Variants in SBF2 observed in about 807,000 individuals in gnomAD.
SBF2 encodes SET binding factor 2.
In SBF2, 112 loss-of-function variants were observed where a neutral mutation model predicts 225.2. The observed-to-expected ratio is 0.50, with a 90% CI of 0.43 to 0.58. The LOEUF is 0.58. Among genes scored for constraint, SBF2 ranks in the 20% least tolerant of loss-of-function variants. The pLI is 0.00. For synonymous variants in SBF2, 763 were observed against 773.3 expected (o/e 0.99, Z 0.22); for missense variants, 1,996 against 2,206.2 (o/e 0.90, Z 1.91).
chr11:10,107,060 G>C, intron 2 of SBF2, among the ~76,000 whole-genome samples: 1 of 152,276 alleles, frequency 6.6e-6, no homozygotes, highest in Middle Eastern at 3.4e-3. Context: ...TCTACTTGAA[G>C]AAATGGTGTA....
At chr11:9,826,120 T>A (rs1855046355) in intron 28 of SBF2, among the ~76,000 whole-genome samples, 1 of 152,198 alleles carries the variant, frequency 6.6e-6, no homozygotes, top group Admixed American at 6.5e-5. Context: ...AAACATGAAA[T>A]TTCCTAGTTG....
At chr11:10,031,809 C>A (rs1239612766) in intron 3 of SBF2, among the ~76,000 whole-genome samples, 2 of 152,214 alleles carry the variant, frequency 1.3e-5, no homozygotes, top group Non-Finnish European at 2.9e-5. Flanking sequence ...GTGGCACAAT[C>A]ACAGTGCACT....
intron 1 of SBF2, among the ~76,000 whole-genome samples, chr11:10,200,089 G>A (rs992536699): frequency 2.9e-4 from 44 of 152,108 alleles, no homozygotes; most frequent in Admixed American, 1.1e-3. Context: ...CGTTTTGATT[G>A]TGACCTATCA....
At chr11:10,186,044 G>A (rs1387252796) in intron 2 of SBF2, among the ~76,000 whole-genome samples, 8 of 152,158 alleles carry the variant, frequency 5.3e-5, no homozygotes, top group Non-Finnish European at 1.2e-4. Context: ...AGGCATGAAC[G>A]AGCTGTGATT....
At chr11:9,867,811 G>A (rs1858358666) in intron 17 of SBF2, among the ~76,000 whole-genome samples, 1 of 152,124 alleles carries the variant, frequency 6.6e-6, no homozygotes, top group Admixed American at 6.6e-5. Flanking sequence ...AGCAAAAAAA[G>A]TTCATCTAAT....
chr11:10,159,841 G>C (rs1454456749), intron 2 of SBF2, among the ~76,000 whole-genome samples: 6 of 151,730 alleles, frequency 4.0e-5, no homozygotes, highest in African/African-American at 1.5e-4. Context: ...AGTGAGCTGA[G>C]ATCACGCCAC....
At chr11:10,253,548 A>G (rs1960576504) in intron 1 of SBF2, among the ~76,000 whole-genome samples, 1 of 152,168 alleles carries the variant, frequency 6.6e-6, no homozygotes. Flanking sequence ...GAATCTCTAA[A>G]TCACAGACTC....
chr11:9,780,922 C>A, intron 39 of SBF2: 1 of 303,026 alleles, frequency 3.3e-6, no homozygotes, highest in Non-Finnish European at 6.4e-6. Context: ...CCTTCGTGTC[C>A]CCTTTCTTTA....
intron 2 of SBF2, among the ~76,000 whole-genome samples, chr11:10,145,216 A>G (rs1023684441): frequency 1.3e-5 from 2 of 152,178 alleles, no homozygotes; most frequent in Non-Finnish European, 2.9e-5. Context: ...CACCTGGGCT[A>G]GGAGATTCAA....
intron 2 of SBF2, among the ~76,000 whole-genome samples, chr11:10,111,635 G>A (rs1168807994): frequency 6.6e-6 from 1 of 152,218 alleles, no homozygotes; most frequent in African/African-American, 2.4e-5. Flanking sequence ...CAGCACTTTG[G>A]GAGACGGAGG....
chr11:10,228,642 A>G (rs1288502318), intron 1 of SBF2, among the ~76,000 whole-genome samples: 1 of 152,178 alleles, frequency 6.6e-6, no homozygotes, highest in Non-Finnish European at 1.5e-5. Flanking sequence ...TGGCATGTTG[A>G]ACCAGCCTTG....
intron 2 of SBF2, among the ~76,000 whole-genome samples, chr11:10,111,858 C>CA (rs1952873076): frequency 6.6e-6 from 1 of 152,194 alleles, no homozygotes; most frequent in South Asian, 2.1e-4. Context: ...GCCTGGGTGA[C>CA]ACAGTGAGAC....
chr11:9,828,293 T>A (rs533298926), intron 28 of SBF2: 9 of 1,261,448 alleles, frequency 7.1e-6, no homozygotes, highest in Admixed American at 5.1e-5. Context: ...CAAAAAGTTA[T>A]CTTCAGGTGT....
At chr11:10,175,487 T>C (rs866902302) in intron 2 of SBF2, among the ~76,000 whole-genome samples, 16 of 151,386 alleles carry the variant, frequency 1.1e-4, no homozygotes, top group African/African-American at 3.9e-4. Flanking sequence ...ATGCACCCAA[T>C]ACAGGAGCAC....
intron 1 of SBF2, among the ~76,000 whole-genome samples, chr11:10,208,322 G>A (rs939525545): frequency 3.3e-5 from 5 of 152,120 alleles, no homozygotes; most frequent in Non-Finnish European, 5.9e-5. Context: ...ATGTTGTTAG[G>A]AAAACTATAC....
chr11:10,211,178 T>G (rs1373998509), intron 1 of SBF2, among the ~76,000 whole-genome samples: 2 of 152,096 alleles, frequency 1.3e-5, no homozygotes, highest in Non-Finnish European at 2.9e-5. Context: ...TTGTTCTCTA[T>G]CACATCTAAC....
chr11:9,839,595 G>C lies in SBF2; in HGVS notation c.3358C>G (p.Arg1120Gly). 1 of 1,614,064 alleles carries C rather than the reference G, an allele frequency of 6.2e-7. No individual in the cohort carries two copies. Among genetic ancestry groups the C allele is most frequent in the Non-Finnish European group, 8.5e-7 (1 of 1,179,978 alleles). ...CCACTTATGGTTCCTAAACCTAAAC[G>C]CTGATAGTCTCTGAAACAAGCTTTT... Reference protein sequence around the residue: ...VEKACFRDYQRLGLGTISGSS... With the variant: ...VEKACFRDYQGLGLGTISGSS... Residue 1120 changes from arginine to glycine, a missense_variant, in exon 26 of 40, where the codon CGT (arginine) becomes GGT (glycine). Physicochemically the swap from Arg to Gly is moderately radical, Grantham distance 125. Transcript: ENST00000256190.
intron 3 of SBF2, among the ~76,000 whole-genome samples, chr11:10,032,057 T>C (rs61877048): frequency 0.2 from 30,646 of 152,128 alleles, 3,975 homozygotes; most frequent in Non-Finnish European, 0.3. Flanking sequence ...CATTTTTACA[T>C]ACAAAACTGA....
chr11:9,780,464 G>A lies in SBF2; in HGVS notation c.5504C>T (p.Ala1835Val). Residue 1835 changes from alanine to valine, a missense_variant, in exon 40 of 40, where the codon GCC (alanine) becomes GTC (valine). Coordinates refer to ENST00000256190, the MANE Select transcript of SBF2 (RefSeq NM_030962.4). ...YNFCAQDGQS[A>V]QQWMDKIQSC... ...CTGGATCTTGTCCATCCATTGCTGGGCACTCTGTCCATCCTGGGCGCAGAA... is the reference window on the plus strand; with the variant it reads ...CTGGATCTTGTCCATCCATTGCTGGACACTCTGTCCATCCTGGGCGCAGAA... The A allele has an allele frequency of 6.2e-7, 1 of 1,614,128 alleles. No individual in the cohort carries two copies. The highest frequency in any genetic ancestry group is 8.5e-7 in the Non-Finnish European group (1 of 1,180,020).
Sources: gnomAD v4.1 joint callset for allele counts (sites outside exome capture counted in the v4.1 genomes callset) on GRCh38, gnomAD v4.1.1 for gene constraint, MANE v1.5 for transcripts, NCBI Gene and HGNC (gene_info 2026-07-23, HGNC 2026-07-21) for gene names.